LCOR: variants seen among roughly 807,000 people sequenced by gnomAD.
LCOR encodes the protein ligand-dependent corepressor.
Under a neutral mutation model 64.4 loss-of-function variants are expected in LCOR, and 14 were observed. The observed-to-expected ratio is 0.22, with a 90% CI of 0.14 to 0.34. The LOEUF is 0.34. Ranked by LOEUF, LCOR falls within the 10% of genes least tolerant of loss-of-function variation. The pLI is 1.00. For missense variants in LCOR, 1,686 were observed against 1,765.3 expected (o/e 0.96, Z 0.80); for synonymous variants, 643 against 642.5 (o/e 1.00, Z -0.01).
chr10:96,979,371 G>A (rs941736232), intron 7 of LCOR, among the ~76,000 whole-genome samples: 2 of 152,212 alleles, frequency 1.3e-5, no homozygotes, highest in Admixed American at 1.3e-4. Flanking sequence ...CATGGGTTCA[G>A]TACAACCCAG....
chr10:96,933,951 T>TTC (rs1334585995), intron 4 of LCOR, among the ~76,000 whole-genome samples: 1 of 152,250 alleles, frequency 6.6e-6, no homozygotes, highest in Non-Finnish European at 1.5e-5. Flanking sequence ...GCTGTCTAGT[T>TTC]TCTTGAAGTT....
intron 7 of LCOR, among the ~76,000 whole-genome samples, chr10:96,968,409 T>C (rs1372429549): frequency 6.6e-6 from 1 of 152,258 alleles, no homozygotes; most frequent in Non-Finnish European, 1.5e-5. Context: ...AACTAAATTT[T>C]AACTATTAAT....
intron 7 of LCOR, among the ~76,000 whole-genome samples, chr10:96,952,771 C>T (rs1460900054): frequency 6.6e-6 from 1 of 151,912 alleles, no homozygotes; most frequent in East Asian, 1.9e-4. Flanking sequence ...TCTCTGACAC[C>T]CTAATTTTAT....
chr10:96,995,500 G>A lies in LCOR; in HGVS notation c.*10366G>A, dbSNP rs1848235277. 1 of 152,168 alleles carries A rather than the reference G, an allele frequency of 6.6e-6. No individual in the cohort carries two copies. Among genetic ancestry groups the A allele is most frequent in the Non-Finnish European group, 1.5e-5 (1 of 68,028 alleles). 9.4% of individuals were successfully genotyped at this position (152,168 alleles called of 1,614,324 possible). On this transcript the variant is annotated 3_prime_UTR_variant, in exon 8 of 8. Transcript: ENST00000421806. This position sits in a 1 kb window ranked among gnomAD's most constrained non-coding sequence, Gnocchi z 4.2. Reference sequence around the variant, plus strand: ...AATGGATGAAAATTCAATGTATGCTGTGAATTTGTTGGTTTGAAACATTGA... The same window carrying A: ...AATGGATGAAAATTCAATGTATGCTATGAATTTGTTGGTTTGAAACATTGA...
At chr10:96,863,456 G>A (rs1182990503) in intron 2 of LCOR, among the ~76,000 whole-genome samples, 3 of 151,830 alleles carry the variant, frequency 2.0e-5, no homozygotes, top group Admixed American at 6.6e-5. Flanking sequence ...TACCCACCTC[G>A]GCCTCCCAAA....
intron 4 of LCOR, among the ~76,000 whole-genome samples, chr10:96,923,104 C>T (rs557990455): frequency 2.1e-4 from 32 of 152,292 alleles, no homozygotes; most frequent in African/African-American, 7.2e-4. Flanking sequence ...ATGGTGGAGA[C>T]ATTTCCCCTA....
At chr10:96,973,339 A>G (rs1380902865) in intron 7 of LCOR, among the ~76,000 whole-genome samples, 1 of 152,184 alleles carries the variant, frequency 6.6e-6, no homozygotes, top group Non-Finnish European at 1.5e-5. Context: ...TCCACACCCC[A>G]TGCCAACCTT....
intron 2 of LCOR, among the ~76,000 whole-genome samples, chr10:96,888,395 CAG>C (rs1242102577): frequency 1.4e-5 from 1 of 69,496 alleles, no homozygotes; most frequent in African/African-American, 5.1e-5. Context: ...AAAAAAAGAA[CAG>C]TATATATTGT....
rs949896590 is a variant in LCOR at position 96,957,215 on chromosome 10, G to A, written c.332+5019G>A. On this transcript the variant is annotated intron_variant, in intron 7 of 7. Coordinates refer to ENST00000421806, the MANE Select transcript of LCOR (RefSeq NM_001346516.2). ...ATTTTGTTGGTTAGAATTTTTTTCT[G>A]TTTTTGGCATCCTACATAATACCCC... 5 of 983,888 alleles carry A rather than the reference G, an allele frequency of 5.1e-6. No individual in the cohort carries two copies. In the East Asian group the frequency reaches 5.7e-4, roughly 112 times the overall value. 60.9% of individuals were successfully genotyped at this position (983,888 alleles called of 1,614,324 possible).
At chr10:96,941,718 TCTC>T (rs1417726813) in intron 4 of LCOR, among the ~76,000 whole-genome samples, 3 of 149,872 alleles carry the variant, frequency 2.0e-5, no homozygotes, top group Non-Finnish European at 4.5e-5. Flanking sequence ...TTTCCTCACT[TCTC>T]AGACGGGGCG....
At chr10:96,930,185 C>T (rs925121989) in intron 4 of LCOR, among the ~76,000 whole-genome samples, 2 of 152,152 alleles carry the variant, frequency 1.3e-5, no homozygotes, top group South Asian at 2.1e-4. Flanking sequence ...GTGAAAGACA[C>T]GGTATCTGCC....
intron 5 of LCOR, among the ~76,000 whole-genome samples, chr10:96,948,306 A>G (rs889315442): frequency 2.0e-5 from 3 of 152,128 alleles, no homozygotes; most frequent in Non-Finnish European, 2.9e-5. Context: ...GAGATTTGAC[A>G]TTTAAACACC....
At chr10:96,846,202 A>G (rs1413314200) in intron 2 of LCOR, among the ~76,000 whole-genome samples, 3 of 152,088 alleles carry the variant, frequency 2.0e-5, no homozygotes, top group African/African-American at 7.2e-5. Context: ...GCAAGACTCT[A>G]TCTCAAAACA....
At position 96,907,672 on chromosome 10, in the gene LCOR, T is replaced by C; in HGVS notation, c.-259T>C. ...AATTTGTTACTATTTTTGCAGACTG[T>C]GAACCTGAAAGCATTTCTGATTGGA... On this transcript the variant is annotated 5_prime_UTR_variant, in exon 4 of 8. Coordinates refer to ENST00000421806, the MANE Select transcript of LCOR (RefSeq NM_001346516.2). 1 of 978,746 alleles carries C rather than the reference T, an allele frequency of 1.0e-6. No homozygotes were observed. The allele number at this position is 978,746 out of a possible 1,614,324, so 60.6% of individuals were successfully genotyped here.
intron 2 of LCOR, among the ~76,000 whole-genome samples, chr10:96,905,793 C>T (rs930378053): frequency 2.6e-5 from 4 of 152,144 alleles, no homozygotes; most frequent in Middle Eastern, 3.4e-3. Flanking sequence ...AAAACAATTG[C>T]TCCCTAACAA....
chr10:96,847,321 A>C (rs1845646010), intron 2 of LCOR, among the ~76,000 whole-genome samples: 1 of 151,526 alleles, frequency 6.6e-6, no homozygotes, highest in Non-Finnish European at 1.5e-5. Context: ...AAGCTATAAT[A>C]GAAATTTATG....
intron 2 of LCOR, among the ~76,000 whole-genome samples, chr10:96,836,733 A>C (rs561840919): frequency 6.6e-6 from 1 of 152,198 alleles, no homozygotes; most frequent in Non-Finnish European, 1.5e-5. Context: ...CATTCCATTC[A>C]TGAGAAATGG....
chr10:96,913,125 G>T (rs1026166338), intron 4 of LCOR, among the ~76,000 whole-genome samples: 1 of 151,006 alleles, frequency 6.6e-6, no homozygotes, highest in South Asian at 2.1e-4. Context: ...TCCCTGTCCC[G>T]GCCCTGGATT....
chr10:96,954,765 C>CT (rs34400488), intron 7 of LCOR, among the ~76,000 whole-genome samples: 36 of 151,652 alleles, frequency 2.4e-4, no homozygotes, highest in African/African-American at 8.5e-4. Flanking sequence ...TTCCTTTTTC[C>CT]TTTTTTTGTG....
Sources: allele counts gnomAD v4.1 joint callset (sites outside exome capture counted in the v4.1 genomes callset), GRCh38; gene constraint gnomAD v4.1.1; non-coding constraint Gnocchi (gnomAD v3.1); transcripts MANE v1.5; gene names NCBI Gene and HGNC (gene_info 2026-07-23, HGNC 2026-07-21).